The following LUC7L2 variants were observed in gnomAD, a reference collection of about 807,000 sequenced individuals.
LUC7L2 encodes putative RNA-binding protein Luc7-like 2.
Under a neutral mutation model 52.8 loss-of-function variants are expected in LUC7L2, and 25 were observed. That is an observed-to-expected ratio of 0.47 (90% CI 0.34 to 0.66). The LOEUF is 0.66. LUC7L2 is among the 30% of genes least tolerant of loss of function. The probability of loss-of-function intolerance (pLI) is 0.01; values close to 1 mark genes in which losing one functional copy is unlikely to be tolerated. For synonymous variants in LUC7L2, 144 were observed against 160.9 expected (o/e 0.89, Z 0.80); for missense variants, 328 against 497.8 (o/e 0.66, Z 3.25).
intron 2 of LUC7L2, among the ~76,000 whole-genome samples, chr7:139,386,040 T>C (rs1240693869): frequency 1.3e-5 from 2 of 152,104 alleles, no homozygotes; most frequent in African/African-American, 2.4e-5. Flanking sequence ...TCTTGATGTG[T>C]CTCCCAGGCT....
At chr7:139,366,669 G>C (rs556422760) in intron 1 of LUC7L2, among the ~76,000 whole-genome samples, 1 of 152,142 alleles carries the variant, frequency 6.6e-6, no homozygotes, top group Non-Finnish European at 1.5e-5. Flanking sequence ...CATATGGCCC[G>C]CAAACCGAAA....
intron 1 of LUC7L2, among the ~76,000 whole-genome samples, chr7:139,350,833 C>T (rs991406039): frequency 2.6e-5 from 4 of 151,948 alleles, no homozygotes; most frequent in African/African-American, 9.7e-5. Context: ...CCCGCCACAA[C>T]GCCTGGCTAA....
At chr7:139,360,986 A>G (rs1016887964) in intron 1 of LUC7L2, among the ~76,000 whole-genome samples, 2 of 152,210 alleles carry the variant, frequency 1.3e-5, no homozygotes, top group Non-Finnish European at 2.9e-5. Flanking sequence ...TTGTTCAGTA[A>G]ATATTGACAA....
At chr7:139,349,515 G>GGTTT (rs1469377862) in intron 1 of LUC7L2, among the ~76,000 whole-genome samples, 1 of 151,978 alleles carries the variant, frequency 6.6e-6, no homozygotes, top group Non-Finnish European at 1.5e-5. Context: ...AGAATCCTGA[G>GGTTT]GTTTTGGTTA....
chr7:139,358,165 C>A (rs1302097127), upstream of LUC7L2, among the ~76,000 whole-genome samples: 2 of 151,972 alleles, frequency 1.3e-5, no homozygotes, highest in Admixed American at 1.3e-4. Context: ...CGCATCCATG[C>A]CCGGCTAATT....
chr7:139,360,204 G>C lies in LUC7L2; in HGVS notation c.-58G>C. 2 of 1,293,402 alleles carry C rather than the reference G, an allele frequency of 1.5e-6. No individual in the cohort carries two copies. Among genetic ancestry groups the C allele is most frequent in the Non-Finnish European group, 2.2e-6 (2 of 922,540 alleles). The allele number at this position is 1,293,402 out of a possible 1,614,324, so 80.1% of individuals were successfully genotyped here. On this transcript the variant is annotated 5_prime_UTR_variant, in exon 1 of 10. Coordinates refer to ENST00000354926, the MANE Select transcript of LUC7L2 (RefSeq NM_016019.5). ...CCCCATCCCTTCCCCTTATCCCCCAGCCCAAAAGGGCCCGGTCTGCGCCCC... is the reference window on the plus strand; with the variant it reads ...CCCCATCCCTTCCCCTTATCCCCCACCCCAAAAGGGCCCGGTCTGCGCCCC...
intron 9 of LUC7L2, among the ~76,000 whole-genome samples, chr7:139,421,716 C>T (rs1367409738): frequency 6.6e-6 from 1 of 152,204 alleles, no homozygotes; most frequent in Non-Finnish European, 1.5e-5. Flanking sequence ...ATGGTTTTTA[C>T]ATTCTAAAAA....
At position 139,417,650 on chromosome 7, in the gene LUC7L2, A is replaced by G; in HGVS notation, c.922A>G (p.Ser308Gly). The G allele has an allele frequency of 6.2e-7, 1 of 1,614,220 alleles. No individual in the cohort carries two copies. The highest frequency in any genetic ancestry group is 8.5e-7 in the Non-Finnish European group (1 of 1,180,038). ...EKRHRHRSRS[S>G]SRSRSRSHQR... Reference sequence around the variant, plus strand: ...ACGCCATCGCCACAGGTCCCGCTCCAGCAGCCGTAGCCGCAGCCGTAGCCA... The same window carrying G: ...ACGCCATCGCCACAGGTCCCGCTCCGGCAGCCGTAGCCGCAGCCGTAGCCA... The change falls in exon 9 of 10, where the codon AGC (serine) becomes GGC (glycine). Residue 308 changes from serine to glycine, a missense_variant. Ser to Gly is a moderately conservative substitution (Grantham distance 56, BLOSUM62 0). This residue lies in a region of LUC7L2 where 195 missense variants were observed against 223.3 expected (regional missense o/e 0.87). Coordinates refer to ENST00000354926, the MANE Select transcript of LUC7L2 (RefSeq NM_016019.5).
chr7:139,399,380 G>A lies in LUC7L2; in HGVS notation c.255+683G>A, dbSNP rs544121803. ...ATTAAACGTGCATTCATGGATTTTG[G>A]TATCCGCTGGGTCTCCTGGAACCAA... On this transcript the variant is annotated intron_variant, in intron 3 of 9. Transcript: ENST00000354926. 2.6e-4 allele frequency among the ~76,000 whole-genome samples: 38 copies of A among 148,596 alleles called. No individual in the cohort carries two copies. The South Asian group carries it at 4.9e-3, about 19-fold the overall frequency.
At chr7:139,343,562 G>A (rs969690685) in intron 1 of LUC7L2, among the ~76,000 whole-genome samples, 1 of 152,096 alleles carries the variant, frequency 6.6e-6, no homozygotes, top group Admixed American at 6.6e-5. Flanking sequence ...CATAGGCCAC[G>A]GAGCGAGACC....
chr7:139,406,651 G>A (rs1795127550), intron 5 of LUC7L2, among the ~76,000 whole-genome samples: 1 of 152,138 alleles, frequency 6.6e-6, no homozygotes, highest in Admixed American at 6.5e-5. Flanking sequence ...ACCCGGCCTG[G>A]CCTGTTTTTT....
intron 2 of LUC7L2, among the ~76,000 whole-genome samples, chr7:139,397,872 A>G (rs1457462093): frequency 6.6e-6 from 1 of 152,218 alleles, no homozygotes; most frequent in African/African-American, 2.4e-5. Context: ...ATACATGCTT[A>G]TTATAAGTGG....
At position 139,409,620 on chromosome 7, in the gene LUC7L2, G is replaced by A; in HGVS notation, c.745G>A (p.Glu249Lys). 1.8e-6 allele frequency: 2 copies of A among 1,111,222 alleles called. No individual in the cohort carries two copies. The highest frequency in any genetic ancestry group is 1.8e-5 in the South Asian group (1 of 54,184). 68.8% of individuals were successfully genotyped at this position (1,111,222 alleles called of 1,614,324 possible). A position where few individuals can be genotyped will look rare whatever the true frequency, so the allele number is the denominator to read the frequency against. Residue 249 changes from glutamate (E) to lysine (K), a missense_variant, in exon 7 of 10, where the codon GAG becomes AAG. Glu to Lys is a moderately conservative substitution (Grantham distance 56). This residue lies in a region of LUC7L2 where 195 missense variants were observed against 223.3 expected (regional missense o/e 0.87). Transcript: ENST00000354926. Reference protein sequence around the residue: ...RNQERLKRREEREREEREKLR... With the variant: ...RNQERLKRREKREREEREKLR... Reference sequence around the variant, plus strand: ...CCAGGAACGGCTGAAACGAAGAGAAGAGAGAGAGAGAGAAGAAAGGGAGAA... The same window carrying A: ...CCAGGAACGGCTGAAACGAAGAGAAAAGAGAGAGAGAGAAGAAAGGGAGAA...
At chr7:139,365,719 T>G (rs1488915309) in intron 1 of LUC7L2, among the ~76,000 whole-genome samples, 1 of 152,168 alleles carries the variant, frequency 6.6e-6, no homozygotes, top group Non-Finnish European at 1.5e-5. Context: ...AGGACTGAAT[T>G]CTTAAAGCCT....
chr7:139,396,824 G>T (rs919450317), intron 2 of LUC7L2, among the ~76,000 whole-genome samples: 1 of 152,032 alleles, frequency 6.6e-6, no homozygotes, highest in Non-Finnish European at 1.5e-5. Flanking sequence ...TGTTACTCTT[G>T]ACTACTTACA....
intron 1 of LUC7L2, among the ~76,000 whole-genome samples, chr7:139,348,705 G>A (rs1378994182): frequency 4.0e-5 from 6 of 151,514 alleles, no homozygotes; most frequent in East Asian, 1.9e-4. Context: ...GTGACAGAGC[G>A]AGACTCCGTC....
chr7:139,359,719 A>C (rs1241376450), upstream of LUC7L2: 4 of 398,778 alleles, frequency 1.0e-5, no homozygotes, highest in Non-Finnish European at 1.8e-5. Context: ...TTGCACAGTC[A>C]GTTAAGGAAC....
chr7:139,390,256 T>A (rs545514374), intron 2 of LUC7L2, among the ~76,000 whole-genome samples: 188 of 152,032 alleles, frequency 1.2e-3, no homozygotes, highest in Non-Finnish European at 2.0e-3. Flanking sequence ...TCTTATTTTT[T>A]TTTTTATTTT....
chr7:139,385,311 C>A (rs1794144039), intron 2 of LUC7L2, among the ~76,000 whole-genome samples: 1 of 118,590 alleles, frequency 8.4e-6, no homozygotes, highest in Non-Finnish European at 1.8e-5. Flanking sequence ...GTTAGGATTA[C>A]TTTTTTTTTT....
Sources: allele counts gnomAD v4.1 joint callset (sites outside exome capture counted in the v4.1 genomes callset), GRCh38; gene constraint gnomAD v4.1.1; regional missense constraint gnomAD v4.1.1; transcripts MANE v1.5; gene names NCBI Gene and HGNC (gene_info 2026-07-23, HGNC 2026-07-21).